Variants in L3MBTL4 observed in about 807,000 individuals in gnomAD.
L3MBTL4 encodes L3MBTL histone methyl-lysine binding protein 4, also known as lethal(3)malignant brain tumor-like protein 4.
In L3MBTL4, 70 loss-of-function variants were observed where a neutral mutation model predicts 84.5. That is an observed-to-expected ratio of 0.83 (90% CI 0.68 to 1.01). L3MBTL4 has a LOEUF of 1.01. L3MBTL4 is among the 50% of genes least tolerant of loss of function. The pLI is 0.00. For synonymous variants in L3MBTL4, 274 were observed against 259.8 expected (o/e 1.05, Z -0.52); for missense variants, 715 against 754.8 (o/e 0.95, Z 0.62).
intron 1 of L3MBTL4, among the ~76,000 whole-genome samples, chr18:6,367,054 A>G (rs2053966480): frequency 6.6e-6 from 1 of 152,190 alleles, no homozygotes; most frequent in Non-Finnish European, 1.5e-5. Flanking sequence ...CAAGGCCAGG[A>G]GGGGGGCTCC....
At chr18:6,224,360 G>A (rs112062779) in intron 10 of L3MBTL4, among the ~76,000 whole-genome samples, 2,051 of 152,308 alleles carry the variant, frequency 0.013, 49 homozygotes, top group African/African-American at 0.046. Context: ...GGGAATTGCA[G>A]GCACCAAATA....
intron 1 of L3MBTL4, among the ~76,000 whole-genome samples, chr18:6,393,933 C>G (rs551484454): frequency 2.6e-5 from 4 of 152,286 alleles, no homozygotes; most frequent in African/African-American, 9.6e-5. Flanking sequence ...TCCCTCACCA[C>G]CTTCCGCTCT....
At chr18:6,161,971 C>T (rs1323342249) in intron 13 of L3MBTL4, among the ~76,000 whole-genome samples, 2 of 150,172 alleles carry the variant, frequency 1.3e-5, no homozygotes, top group African/African-American at 2.4e-5. Context: ...AGAGAATATA[C>T]CTGTGTGTGT....
chr18:6,151,081 T>C (rs539993054), intron 13 of L3MBTL4, among the ~76,000 whole-genome samples: 2 of 152,246 alleles, frequency 1.3e-5, no homozygotes, highest in East Asian at 1.9e-4. Context: ...ACGGATCCCC[T>C]TACTGGCATA....
chr18:6,038,594 T>C (rs990267655), intron 16 of L3MBTL4, among the ~76,000 whole-genome samples: 2 of 152,056 alleles, frequency 1.3e-5, no homozygotes, highest in African/African-American at 4.8e-5. Flanking sequence ...TTGGTGATCC[T>C]AGTAAAAGAC....
chr18:5,982,354 A>C (rs2053272037), intron 16 of L3MBTL4, among the ~76,000 whole-genome samples: 1 of 152,210 alleles, frequency 6.6e-6, no homozygotes, highest in East Asian at 1.9e-4. Context: ...ACAGTGCAGA[A>C]TAGACTTCCC....
At chr18:6,263,213 G>A (rs558596109) in intron 5 of L3MBTL4, among the ~76,000 whole-genome samples, 51 of 148,558 alleles carry the variant, frequency 3.4e-4, no homozygotes, top group African/African-American at 1.1e-3. Flanking sequence ...AGGTTGCCAC[G>A]AGCCAAGATC....
In L3MBTL4 at chr18:5,969,519, C is replaced by T. The variant is rs759713659; in HGVS notation, c.1488G>A (p.Val496=). 2.3e-5 allele frequency: 37 copies of T among 1,613,264 alleles called. No individual in the cohort carries two copies. In the South Asian group the frequency reaches 3.8e-4, roughly 17 times the overall value. The change falls in exon 17 of 19, where the codon GTG becomes GTA. Residue 496 remains valine, a synonymous_variant. Transcript: ENST00000317931. ...EQAQQVLHQS[V]SMSTVSAHPF... ...GGTGGGCTGACACCGTGGACATGGACACTGACTGGTGAAGCACCTGCTGCG... is the reference window on the plus strand; with the variant it reads ...GGTGGGCTGACACCGTGGACATGGATACTGACTGGTGAAGCACCTGCTGCG...
At chr18:6,199,673 G>C (rs1193533414) in intron 12 of L3MBTL4, among the ~76,000 whole-genome samples, 1 of 152,204 alleles carries the variant, frequency 6.6e-6, no homozygotes, top group Non-Finnish European at 1.5e-5. Flanking sequence ...CCGGGCAGAA[G>C]GGGAAATCTG....
intron 15 of L3MBTL4, among the ~76,000 whole-genome samples, chr18:6,083,875 A>G (rs746662673): frequency 2.0e-5 from 3 of 152,094 alleles, no homozygotes; most frequent in Non-Finnish European, 4.4e-5. Context: ...TCTGCTATCC[A>G]TTGTTTTTCA....
chr18:6,330,243 T>C (rs772064117), intron 1 of L3MBTL4, among the ~76,000 whole-genome samples: 3 of 152,242 alleles, frequency 2.0e-5, no homozygotes, highest in Non-Finnish European at 2.9e-5. Flanking sequence ...CTGTAACAAT[T>C]TACCCCAACT....
chr18:6,323,982 C>T (rs540884807), intron 1 of L3MBTL4, among the ~76,000 whole-genome samples: 15 of 150,836 alleles, frequency 9.9e-5, no homozygotes, highest in African/African-American at 3.6e-4. Flanking sequence ...CACCCAGGGG[C>T]CTCTGCTGCC....
At chr18:6,317,206 G>A (rs570694452) in intron 1 of L3MBTL4, among the ~76,000 whole-genome samples, 1 of 152,024 alleles carries the variant, frequency 6.6e-6, no homozygotes, top group South Asian at 2.1e-4. Flanking sequence ...AGTACTAAAA[G>A]CACTAAGAGC....
intron 16 of L3MBTL4, among the ~76,000 whole-genome samples, chr18:6,011,651 A>G (rs141409731): frequency 0.013 from 1,972 of 152,338 alleles, 25 homozygotes; most frequent in Middle Eastern, 0.071. Context: ...AGGCAGCGAC[A>G]TATCATACCC....
chr18:5,970,750 G>A (rs539642623), intron 16 of L3MBTL4, among the ~76,000 whole-genome samples: 4 of 152,308 alleles, frequency 2.6e-5, no homozygotes, highest in African/African-American at 7.2e-5. Flanking sequence ...TTTACTAACA[G>A]AATCTGAAAA....
chr18:6,346,262 T>A (rs1157704210), intron 1 of L3MBTL4, among the ~76,000 whole-genome samples: 1 of 151,660 alleles, frequency 6.6e-6, no homozygotes, highest in Non-Finnish European at 1.5e-5. Flanking sequence ...GGGAAAAGTG[T>A]CTTCACATTG....
intron 16 of L3MBTL4, among the ~76,000 whole-genome samples, chr18:6,047,447 GA>G (rs1215932437): frequency 2.0e-5 from 3 of 151,508 alleles, no homozygotes; most frequent in South Asian, 2.1e-4. Context: ...AAAACACAAT[GA>G]AAAAAAAGAT....
intron 14 of L3MBTL4, among the ~76,000 whole-genome samples, chr18:6,118,993 C>CTTTTTTTTTTTTTTTT (rs779523685): frequency 3.6e-4 from 30 of 83,698 alleles, no homozygotes; most frequent in Non-Finnish European, 4.8e-4. Context: ...TTTTTGGTTT[C>CTTTTTTTTTTTTTTTT]TTTTTTTTTT....
At chr18:6,315,638 G>A (rs2051053209) in intron 1 of L3MBTL4, among the ~76,000 whole-genome samples, 1 of 152,170 alleles carries the variant, frequency 6.6e-6, no homozygotes, top group Non-Finnish European at 1.5e-5. Context: ...CTATGCTGTA[G>A]CTTTTTTAAC....
Sources: allele counts gnomAD v4.1 joint callset (sites outside exome capture counted in the v4.1 genomes callset), GRCh38; gene constraint gnomAD v4.1.1; transcripts MANE v1.5; gene names NCBI Gene and HGNC (gene_info 2026-07-23, HGNC 2026-07-21).